The following WDR70 variants were observed in gnomAD, a reference collection of about 807,000 sequenced individuals.
WDR70 encodes the protein WD repeat domain 70, also known as WD repeat-containing protein 70.
WDR70 carries 53 observed loss-of-function variants against 88.6 expected under a neutral mutation model. The observed-to-expected ratio is 0.60, with a 90% CI of 0.48 to 0.75. The LOEUF (loss-of-function observed/expected upper bound fraction) is 0.75. Ranked by LOEUF, WDR70 falls within the 30% of genes least tolerant of loss-of-function variation. The pLI, the probability that WDR70 is intolerant of heterozygous loss-of-function variation, is 0.00. For missense variants in WDR70, 610 were observed against 823.2 expected (o/e 0.74, Z 3.17); for synonymous variants, 280 against 270.0 (o/e 1.04, Z -0.36).
intron 8 of WDR70, among the ~76,000 whole-genome samples, chr5:37,483,101 G>GCTTTTTTT: frequency 7.7e-6 from 1 of 129,884 alleles, no homozygotes; most frequent in Non-Finnish European, 1.6e-5. Context: ...AGTGGTCTCA[G>GCTTTTTTT]TTTTTTTTTT....
chr5:37,735,672 AGTATACT>A (rs1748285075), intron 17 of WDR70, among the ~76,000 whole-genome samples: 1 of 152,178 alleles, frequency 6.6e-6, no homozygotes, highest in Non-Finnish European at 1.5e-5. Flanking sequence ...CACCTGCTAG[AGTATACT>A]GTTTACTGCC....
At chr5:37,472,087 G>T (rs1739343549) in intron 7 of WDR70, among the ~76,000 whole-genome samples, 2 of 151,528 alleles carry the variant, frequency 1.3e-5, no homozygotes, top group South Asian at 4.2e-4. Context: ...TTCCTAATTT[G>T]CCAGGAGGTT....
intron 13 of WDR70, among the ~76,000 whole-genome samples, chr5:37,708,866 A>C (rs1747433452): frequency 6.6e-6 from 1 of 152,202 alleles, no homozygotes; most frequent in African/African-American, 2.4e-5. Context: ...CAAACAAATT[A>C]ATGATACTAT....
At chr5:37,751,930 G>C (rs898770705) in intron 17 of WDR70, among the ~76,000 whole-genome samples, 7 of 152,186 alleles carry the variant, frequency 4.6e-5, no homozygotes, top group African/African-American at 1.4e-4. Context: ...CCATGCATTG[G>C]GCTGAGTGTA....
intron 10 of WDR70, among the ~76,000 whole-genome samples, chr5:37,684,046 T>C (rs1293370448): frequency 6.6e-6 from 1 of 152,226 alleles, no homozygotes; most frequent in Non-Finnish European, 1.5e-5. Context: ...CTCCTTTTCA[T>C]TCTTTTTTCT....
chr5:37,513,350 G>C (rs1216241607), intron 8 of WDR70, among the ~76,000 whole-genome samples: 9 of 152,144 alleles, frequency 5.9e-5, no homozygotes, highest in Admixed American at 5.9e-4. Flanking sequence ...GTGGAAAAAA[G>C]AGCTTTCCAG....
intron 10 of WDR70, among the ~76,000 whole-genome samples, chr5:37,618,362 A>T (rs2112499335): frequency 6.6e-6 from 1 of 152,234 alleles, no homozygotes; most frequent in South Asian, 2.1e-4. Context: ...TAAAAACAGC[A>T]AGATTTTATT....
chr5:37,689,142 C>T lies in WDR70; in HGVS notation c.1093-8513C>T, dbSNP rs372584775. Reference sequence around the variant, plus strand: ...GCAGCCTGGCTGGGGGAGGGGCGTCCGCCATTGCTGAGGCTTGAGTAGGTA... The same window carrying T: ...GCAGCCTGGCTGGGGGAGGGGCGTCTGCCATTGCTGAGGCTTGAGTAGGTA... On this transcript the variant is annotated intron_variant, in intron 10 of 17. Transcript: ENST00000265107. 2.6e-4 allele frequency among the ~76,000 whole-genome samples: 39 copies of T among 152,326 alleles called. 1 individual carries two copies. In the East Asian group the frequency reaches 6.2e-3, roughly 24 times the overall value.
chr5:37,497,616 A>G lies in WDR70; in HGVS notation c.840+17629A>G, dbSNP rs529377889. ...GAACTTGGAGGGAGTACAATGAGCT[A>G]TTTCTTTGCCCTGAAGTTGTTTGCC... On this transcript the variant is annotated intron_variant, in intron 8 of 17. Coordinates refer to ENST00000265107, the MANE Select transcript of WDR70 (RefSeq NM_018034.4). Among the ~76,000 whole-genome samples, 94 of 151,684 alleles carry G rather than the reference A, an allele frequency of 6.2e-4. 4 individuals carry two copies. The highest frequency in any genetic ancestry group is 4.7e-4 in the Non-Finnish European group (32 of 67,924).
intron 8 of WDR70, among the ~76,000 whole-genome samples, chr5:37,508,290 A>G (rs1445209072): frequency 1.3e-5 from 2 of 152,270 alleles, no homozygotes; most frequent in East Asian, 3.9e-4. Context: ...AAAAAAAGGA[A>G]TAGATACCAG....
At chr5:37,625,869 G>A (rs933576888) in intron 10 of WDR70, among the ~76,000 whole-genome samples, 2 of 151,838 alleles carry the variant, frequency 1.3e-5, no homozygotes, top group African/African-American at 4.8e-5. Flanking sequence ...TTGTTTTTCT[G>A]TTCTTTGTAT....
intron 10 of WDR70, among the ~76,000 whole-genome samples, chr5:37,650,869 C>G (rs1457009574): frequency 2.0e-5 from 3 of 152,106 alleles, no homozygotes. Flanking sequence ...TAACTACTAC[C>G]CATCCACCCA....
intron 9 of WDR70, 49 bp from the exon 10 acceptor site, chr5:37,605,015 T>A: frequency 6.9e-7 from 1 of 1,457,012 alleles, no homozygotes. Flanking sequence ...ACCTCCCCCC[T>A]CCTTCTTTTT....
intron 10 of WDR70, among the ~76,000 whole-genome samples, chr5:37,622,865 C>CA (rs1467943229): frequency 1.3e-5 from 2 of 152,130 alleles, no homozygotes; most frequent in Non-Finnish European, 2.9e-5. Context: ...ACGTTGTGCA[C>CA]ATGTACCCTA....
chr5:37,509,411 TC>T, intron 8 of WDR70, among the ~76,000 whole-genome samples: 1 of 150,480 alleles, frequency 6.6e-6, no homozygotes, highest in East Asian at 2.0e-4. Context: ...CTAATTTAAT[TC>T]TCTTATGATC....
chr5:37,401,766 A>C (rs1749202714), intron 5 of WDR70, among the ~76,000 whole-genome samples: 1 of 152,038 alleles, frequency 6.6e-6, no homozygotes, highest in African/African-American at 2.4e-5. Flanking sequence ...CCAAGATTAT[A>C]TTTTTAAGGA....
intron 13 of WDR70, among the ~76,000 whole-genome samples, chr5:37,715,925 C>T (rs887882921): frequency 1.3e-5 from 2 of 151,972 alleles, no homozygotes; most frequent in African/African-American, 2.4e-5. Context: ...CACACACACA[C>T]GCACACACAC....
At chr5:37,606,984 G>A (rs1420257397) in intron 10 of WDR70, among the ~76,000 whole-genome samples, 1 of 142,974 alleles carries the variant, frequency 7.0e-6, no homozygotes, top group South Asian at 2.3e-4. Context: ...TGTCACCTAG[G>A]CTGGAGTGCA....
chr5:37,550,651 T>C (rs959073619), intron 9 of WDR70, among the ~76,000 whole-genome samples: 2 of 152,220 alleles, frequency 1.3e-5, no homozygotes, highest in Non-Finnish European at 2.9e-5. Flanking sequence ...GTGTTTCCTG[T>C]AGTCAGCAGA....
Sources: allele counts gnomAD v4.1 joint callset (sites outside exome capture counted in the v4.1 genomes callset), GRCh38; gene constraint gnomAD v4.1.1; transcripts MANE v1.5; gene names NCBI Gene and HGNC (gene_info 2026-07-23, HGNC 2026-07-21).